Variants in CUX1 observed in about 807,000 individuals in gnomAD.
CUX1 encodes cut like homeobox 1.
In CUX1, 31 loss-of-function variants were observed where a neutral mutation model predicts 158.8. The observed-to-expected ratio is 0.20, with a 90% CI of 0.15 to 0.26. CUX1 has a LOEUF of 0.26. CUX1 is among the 10% of genes least tolerant of loss of function. The probability of loss-of-function intolerance (pLI) is 1.00; values close to 1 mark genes in which losing one functional copy is unlikely to be tolerated. For missense variants in CUX1, 1,589 were observed against 2,014.6 expected (o/e 0.79, Z 4.04); for synonymous variants, 879 against 862.1 (o/e 1.02, Z -0.34).
Position 102,252,056 on chromosome 7 carries a change from GC to G in CUX1, c.*3016del. On this transcript the variant is annotated 3_prime_UTR_variant, in exon 24 of 24. Transcript: ENST00000292535. ...CTTTTTTGCCAGACTTACATCTGGT[GC>G]CAGATACAATCAGTTGGTTAAATTT... 1 of 985,346 alleles carries G rather than the reference GC, an allele frequency of 1.0e-6. No homozygotes were observed. Among genetic ancestry groups the G allele is most frequent in the Non-Finnish European group, 1.2e-6 (1 of 829,918 alleles). The allele number at this position is 985,346 out of a possible 1,614,324, so 61.0% of individuals were successfully genotyped here. A position where few individuals can be genotyped will look rare whatever the true frequency, so the allele number is the denominator to read the frequency against.
At chr7:102,083,443 A>G (rs1827658361) in intron 4 of CUX1, among the ~76,000 whole-genome samples, 1 of 146,754 alleles carries the variant, frequency 6.8e-6, no homozygotes, top group African/African-American at 2.4e-5. Context: ...AGTAGCTGGG[A>G]CTACAGGCAT....
intron 8 of CUX1, among the ~76,000 whole-genome samples, chr7:102,126,799 TTTA>T (rs1226749767): frequency 6.6e-6 from 1 of 152,212 alleles, no homozygotes; most frequent in East Asian, 1.9e-4. Flanking sequence ...TATTGTGCAC[TTTA>T]TTATTATGAC....
chr7:101,972,978 A>C (rs886361144), intron 2 of CUX1, among the ~76,000 whole-genome samples: 1 of 152,216 alleles, frequency 6.6e-6, no homozygotes, highest in Non-Finnish European at 1.5e-5. Context: ...TGACCAGTGC[A>C]GCCAGCCACT....
At chr7:102,021,779 T>C (rs1819403371) in intron 2 of CUX1, among the ~76,000 whole-genome samples, 1 of 152,130 alleles carries the variant, frequency 6.6e-6, no homozygotes, top group Admixed American at 6.6e-5. Flanking sequence ...CAGACTGGTC[T>C]CCAACTCCTG....
intron 20 of CUX1, among the ~76,000 whole-genome samples, chr7:102,209,317 A>G (rs1796290184): frequency 1.3e-5 from 2 of 152,264 alleles, no homozygotes; most frequent in Middle Eastern, 3.4e-3. Context: ...ATGTTCCTCT[A>G]AGAATCCGAG....
intron 1 of CUX1, among the ~76,000 whole-genome samples, chr7:101,910,415 G>C (rs552069666): frequency 1.7e-4 from 26 of 152,180 alleles, no homozygotes; most frequent in African/African-American, 6.3e-4. Context: ...CAAAGTGCTA[G>C]AATTACAGGC....
chr7:102,122,572 T>C (rs1832163344), intron 8 of CUX1, among the ~76,000 whole-genome samples: 1 of 152,080 alleles, frequency 6.6e-6, no homozygotes. Flanking sequence ...CTCTGAATAG[T>C]ACAACCATGA....
chr7:102,193,254 A>AATG (rs1794467210), intron 12 of CUX1, among the ~76,000 whole-genome samples: 2 of 152,176 alleles, frequency 1.3e-5, no homozygotes, highest in Non-Finnish European at 2.9e-5. Flanking sequence ...TTACAAATAC[A>AATG]TTCCACTTGC....
At chr7:101,842,765 A>T (rs1364637457) in intron 1 of CUX1, among the ~76,000 whole-genome samples, 1 of 148,300 alleles carries the variant, frequency 6.7e-6, no homozygotes, top group Non-Finnish European at 1.5e-5. Context: ...CATGATCATG[A>T]TCTTTAGATT....
chr7:102,213,954 A>G (rs1046441325), intron 20 of CUX1, among the ~76,000 whole-genome samples: 6 of 152,130 alleles, frequency 3.9e-5, no homozygotes, highest in South Asian at 2.1e-4. Flanking sequence ...CCAACATGGC[A>G]AAACCCTGTT....
chr7:101,913,323 C>A (rs1409458771), intron 1 of CUX1: 1 of 1,261,760 alleles, frequency 7.9e-7, no homozygotes, highest in African/African-American at 1.5e-5. Flanking sequence ...GTTTCCCATG[C>A]CGACCTGCAT....
chr7:101,906,288 C>T (rs2131808640), intron 1 of CUX1, among the ~76,000 whole-genome samples: 1 of 152,072 alleles, frequency 6.6e-6, no homozygotes, highest in African/African-American at 2.4e-5. Flanking sequence ...TGCCACGCAG[C>T]CACTCACTGA....
chr7:101,858,003 C>A (rs746805102), intron 1 of CUX1, among the ~76,000 whole-genome samples: 19 of 152,148 alleles, frequency 1.2e-4, no homozygotes, highest in African/African-American at 9.7e-5. Flanking sequence ...CGCACCTGTA[C>A]TCCCAGCTCC....
intron 3 of CUX1, among the ~76,000 whole-genome samples, chr7:102,055,875 G>A (rs1228333842): frequency 6.6e-6 from 1 of 152,190 alleles, no homozygotes; most frequent in Non-Finnish European, 1.5e-5. Flanking sequence ...GATATGAAAA[G>A]TGCTGCTCCA....
At chr7:102,046,568 G>GTTTTTTTTTTTTT in intron 3 of CUX1, among the ~76,000 whole-genome samples, 1 of 89,502 alleles carries the variant, frequency 1.1e-5, no homozygotes, top group African/African-American at 4.7e-5. Flanking sequence ...GTTTGGTTTG[G>GTTTTTTTTTTTTT]ATTTTTTTTT....
chr7:101,974,627 A>G (rs1812415093), intron 2 of CUX1, among the ~76,000 whole-genome samples: 1 of 152,176 alleles, frequency 6.6e-6, no homozygotes, highest in African/African-American at 2.4e-5. Context: ...TTTCAGCTGG[A>G]GAGAGTATCA....
upstream of CUX1, among the ~76,000 whole-genome samples, chr7:101,816,563 C>G (rs1791822622): frequency 7.1e-6 from 1 of 141,820 alleles, no homozygotes; most frequent in Non-Finnish European, 1.6e-5. Context: ...CGCGGCCCGG[C>G]GGTGGCGCCC....
chr7:101,873,306 T>C (rs1409714345), intron 1 of CUX1, among the ~76,000 whole-genome samples: 2 of 151,156 alleles, frequency 1.3e-5, no homozygotes, highest in Non-Finnish European at 2.9e-5. Context: ...AAGCCCAGCA[T>C]GCATTAGCTA....
In CUX1 at chr7:102,216,722, ATGCACACAGAGTCCCACACACACTTC is replaced by A. The variant is rs1389748736; in HGVS notation, c.3131-10636_3131-10611del. ...TCCCACACGCACTCTCCACACACAC[ATGCACACAGAGTCCCACACACACTTC>A]TGCACACACACACTCTTCCACACAC... On this transcript the variant is annotated intron_variant, in intron 20 of 23. Coordinates refer to ENST00000292535, the MANE Select transcript of CUX1 (RefSeq NM_181552.4). 2.3e-4 allele frequency among the ~76,000 whole-genome samples: 32 copies of A among 138,622 alleles called. No individual in the cohort carries two copies. The East Asian group carries it at 4.4e-3, about 19-fold the overall frequency. The allele number at this position is 138,622 out of a possible 152,430, so 90.9% of individuals were successfully genotyped here.
Sources: allele counts gnomAD v4.1 joint callset (sites outside exome capture counted in the v4.1 genomes callset), GRCh38; gene constraint gnomAD v4.1.1; transcripts MANE v1.5; gene names NCBI Gene and HGNC (gene_info 2026-07-23, HGNC 2026-07-21).